The following STT3A variants were observed in gnomAD, a reference collection of about 807,000 sequenced individuals.
STT3A encodes the protein STT3 oligosaccharyltransferase complex catalytic subunit A, also known as dolichyl-diphosphooligosaccharide--protein glycosyltransferase subunit STT3A.
STT3A carries 34 observed loss-of-function variants against 89.2 expected under a neutral mutation model. The ratio of observed to expected loss-of-function variants is 0.38; its 90% confidence interval spans 0.29 to 0.51. STT3A has a LOEUF of 0.51. Ranked by LOEUF, STT3A falls within the 20% of genes least tolerant of loss-of-function variation. STT3A has a pLI of 0.89. For missense variants in STT3A, 555 were observed against 889.5 expected (o/e 0.62, Z 4.78); for synonymous variants, 282 against 310.3 (o/e 0.91, Z 0.96).
intron 11 of STT3A, among the ~76,000 whole-genome samples, 182 bp from the exon 12 acceptor site, chr11:125,612,410 T>C (rs1191851930): frequency 2.0e-5 from 3 of 152,216 alleles, no homozygotes; most frequent in East Asian, 1.9e-4. Context: ...ATGCATATAA[T>C]TGAAACAAAG....
At position 125,608,226 on chromosome 11, in the gene STT3A, C is replaced by T. The variant is rs764341467; in HGVS notation, c.898C>T (p.Arg300Trp). ...TCCACAACAATTTGAAGTTCTTTTC[C>T]GGAGCGTCATCTCTCTGGTAGGCTT... is the stretch of plus-strand genomic sequence containing the variant. ...LNPQQFEVLF[R>W]SVISLVGFVL... Residue 300 changes from arginine (R) to tryptophan (W), a missense_variant, in exon 9 of 18, where the codon CGG becomes TGG. Around this residue, in one of 5 missense-constraint regions of STT3A, gnomAD observed 149 missense variants for 206.2 expected, o/e 0.72. Transcript: ENST00000392708. The T allele has an allele frequency of 8.7e-6, 14 of 1,614,044 alleles. No homozygotes were observed. The highest frequency in any genetic ancestry group is 2.7e-5 in the African/African-American group (2 of 74,916).
At chr11:125,600,880 G>A (rs1269844373) in intron 3 of STT3A, among the ~76,000 whole-genome samples, 3 of 152,048 alleles carry the variant, frequency 2.0e-5, no homozygotes, top group East Asian at 1.9e-4. Flanking sequence ...TTGACCTCCT[G>A]GACTCAAGCA....
chr11:125,612,804 T>C, intron 12 of STT3A, 57 bp downstream of exon 12: 1 of 1,591,332 alleles, frequency 6.3e-7, no homozygotes. Context: ...TGTGTATGTG[T>C]GTATGTGGGC....
At chr11:125,609,809 A>G in intron 10 of STT3A, 1 of 472,926 alleles carries the variant, frequency 2.1e-6, no homozygotes, top group Non-Finnish European at 3.7e-6. Flanking sequence ...TTTTCTGTTC[A>G]TTTGTCATTT....
chr11:125,612,858 T>C, intron 12 of STT3A, 111 bp downstream of exon 12: 1 of 1,517,406 alleles, frequency 6.6e-7, no homozygotes, highest in Non-Finnish European at 9.0e-7. Context: ...TCCTAGGTGG[T>C]CAGAATTAAC....
chr11:125,591,771 G>A (rs971242515), upstream of STT3A: 1 of 152,348 alleles, frequency 6.6e-6, no homozygotes, highest in Non-Finnish European at 1.5e-5. Context: ...GGGAGAATAG[G>A]AAACTGCGTG....
chr11:125,594,847 C>T (rs1346825593), intron 1 of STT3A: 2 of 152,086 alleles, frequency 1.3e-5, no homozygotes, highest in East Asian at 3.9e-4. Flanking sequence ...TAATCAGTCT[C>T]TTAAATCAGC....
intron 8 of STT3A, among the ~76,000 whole-genome samples, chr11:125,606,732 G>A (rs1330659344): frequency 6.6e-6 from 1 of 152,168 alleles, no homozygotes; most frequent in Admixed American, 6.6e-5. Context: ...TAGTTGAGTT[G>A]AGTTTAGATG....
intron 3 of STT3A, among the ~76,000 whole-genome samples, chr11:125,598,795 A>C (rs1474168954): frequency 6.6e-6 from 1 of 151,956 alleles, no homozygotes; most frequent in Non-Finnish European, 1.5e-5. Context: ...TTTTGTAGAG[A>C]TGGAGTCTCA....
rs1399291572 is a variant in STT3A at position 125,604,179 on chromosome 11, C to G, written c.440C>G (p.Ala147Gly). 12 of 1,613,976 alleles carry G rather than the reference C, an allele frequency of 7.4e-6. No homozygotes were observed. The highest frequency in any genetic ancestry group is 6.6e-5 in the South Asian group (6 of 91,094). Reference protein sequence around the residue: ...ELKDAGAGLLAAAMIAVVPGY... With the variant: ...ELKDAGAGLLGAAMIAVVPGY... ...CAGGATGCAGGGGCTGGGCTTCTTG[C>G]TGCTGCCATGATTGCTGTAGTTCCT... Residue 147 changes from alanine to glycine, a missense_variant, in exon 6 of 18, where the codon GCT (alanine) becomes GGT (glycine). Transcript: ENST00000392708.
intron 15 of STT3A, among the ~76,000 whole-genome samples, chr11:125,617,991 A>T (rs1215739810): frequency 6.6e-6 from 1 of 152,116 alleles, no homozygotes; most frequent in Non-Finnish European, 1.5e-5. Context: ...TGTGTATTTC[A>T]TACTTACCTA....
intron 1 of STT3A, among the ~76,000 whole-genome samples, chr11:125,595,573 C>T (rs1241526607): frequency 6.6e-6 from 1 of 151,800 alleles, no homozygotes; most frequent in Non-Finnish European, 1.5e-5. Context: ...TTTTTCATCT[C>T]TTCCTTGTGC....
intron 15 of STT3A, among the ~76,000 whole-genome samples, 157 bp from the exon 16 acceptor site, chr11:125,618,216 C>T (rs1329184650): frequency 6.6e-6 from 1 of 152,152 alleles, no homozygotes; most frequent in Non-Finnish European, 1.5e-5. Context: ...ACGAAAAATG[C>T]TTTGCCCGTA....
intron 16 of STT3A, 74 bp downstream of exon 16, chr11:125,618,635 C>G: frequency 7.0e-7 from 1 of 1,437,592 alleles, no homozygotes; most frequent in Non-Finnish European, 9.4e-7. Context: ...TTCCATATGC[C>G]AAGCACTAGT....
intron 1 of STT3A, among the ~76,000 whole-genome samples, chr11:125,594,582 C>CAAAAAAAA (rs34558992): frequency 1.1e-5 from 1 of 92,344 alleles, no homozygotes; most frequent in Non-Finnish European, 2.0e-5. Flanking sequence ...GACTCCGTCT[C>CAAAAAAAA]AAAAAAAAAA....
At chr11:125,612,817 C>CG in intron 12 of STT3A, 70 bp downstream of exon 12, 3 of 1,568,874 alleles carry the variant, frequency 1.9e-6, no homozygotes, top group East Asian at 2.2e-5. Context: ...ATGTGGGCAG[C>CG]GGGGGGTGGG....
In STT3A at chr11:125,614,079, A is replaced by G; in HGVS notation, c.1555-8A>G. On this transcript the variant is annotated splice_region_variant and splice_polypyrimidine_tract_variant and intron_variant, in intron 13 of 17. Transcript: ENST00000392708. This position sits in a 1 kb window ranked among gnomAD's most constrained non-coding sequence, Gnocchi z 4.9. ...GCTTGTTATTTCCATTTCCCATTCT[A>G]CTTTCAGGATGCGAAGGTCATGTCC... 1 of 1,611,966 alleles carries G rather than the reference A, an allele frequency of 6.2e-7. No homozygotes were observed. Among genetic ancestry groups the G allele is most frequent in the Non-Finnish European group, 8.5e-7 (1 of 1,178,254 alleles).
rs148052331 is a variant in STT3A at position 125,601,358 on chromosome 11, C to T, written c.150-945C>T. Among the ~76,000 whole-genome samples, 587 of 152,316 alleles carry T rather than the reference C, an allele frequency of 3.9e-3. 6 individuals carry two copies. Among genetic ancestry groups the T allele is most frequent in the African/African-American group, 0.014 (563 of 41,578 alleles). ...GAATCTGGCCAGGCATGGTGGCTCACACCTGTAATCCAAGCACTTTGTGAG... is the reference window on the plus strand; with the variant it reads ...GAATCTGGCCAGGCATGGTGGCTCATACCTGTAATCCAAGCACTTTGTGAG... On this transcript the variant is annotated intron_variant, in intron 3 of 17. Transcript: ENST00000392708.
In STT3A at chr11:125,597,491, C is replaced by G. The variant is rs541915712; in HGVS notation, c.149+372C>G. 1.5e-3 allele frequency among the ~76,000 whole-genome samples: 235 copies of G among 151,678 alleles called. 1 individual carries two copies. The highest frequency in any genetic ancestry group is 5.4e-3 in the African/African-American group (222 of 41,334). On this transcript the variant is annotated intron_variant, in intron 3 of 17. Transcript: ENST00000392708. ...TCTGAAACTCAAAAAATGTGAGAGG[C>G]ATTGCTAGTATGTCTGCCTATCACT... is the stretch of plus-strand genomic sequence containing the variant.
Sources: allele counts gnomAD v4.1 joint callset (sites outside exome capture counted in the v4.1 genomes callset), GRCh38; gene constraint gnomAD v4.1.1; regional missense constraint gnomAD v4.1.1; non-coding constraint Gnocchi (gnomAD v3.1); transcripts MANE v1.5; gene names NCBI Gene and HGNC (gene_info 2026-07-23, HGNC 2026-07-21).